The following AKR1B10 variants were observed in gnomAD, a reference collection of about 807,000 sequenced individuals.
The protein encoded by AKR1B10 is ARP.
AKR1B10 carries 39 observed loss-of-function variants against 38.9 expected under a neutral mutation model. The ratio of observed to expected loss-of-function variants is 1.00; its 90% CI spans 0.78 to 1.31. The LOEUF (loss-of-function observed/expected upper bound fraction) is 1.31. Ranked by LOEUF, AKR1B10 falls within the 50% of genes most tolerant of loss-of-function variation. AKR1B10 has a pLI of 0.00. For missense variants in AKR1B10, 361 were observed against 382.6 expected, an observed-to-expected ratio of 0.94 and a Z score of 0.47; for synonymous variants, 148 against 141.2, an observed-to-expected ratio of 1.05 and a Z score of -0.34.
intron 1 of AKR1B10, 89 bp downstream of exon 1, chr7:134,528,066 G>A (rs556642669): frequency 3.3e-6 from 5 of 1,524,634 alleles, no homozygotes; most frequent in Non-Finnish European, 4.5e-6. Context: ...AAGCCTGGAG[G>A]TCGGGCAGGG....
At chr7:134,540,382 G>A (rs534678405) in intron 9 of AKR1B10, among the ~76,000 whole-genome samples, 1 of 116,410 alleles carries the variant, frequency 8.6e-6, no homozygotes, top group South Asian at 3.5e-4. Context: ...AAAAAGGAAG[G>A]GTGAACGTAA....
chr7:134,538,375 T>C (rs4732035), intron 8 of AKR1B10, 98 bp downstream of exon 8: 322,512 of 1,232,248 alleles, frequency 0.26, 45,211 homozygotes, highest in East Asian at 0.41. Context: ...CATTGTCTTT[T>C]GCCCCCTCCC....
At chr7:134,528,588 G>T (rs1807758502) in intron 1 of AKR1B10, among the ~76,000 whole-genome samples, 2 of 152,154 alleles carry the variant, frequency 1.3e-5, no homozygotes, top group Non-Finnish European at 2.9e-5. Context: ...TCTGGGCATG[G>T]TGGCACGCAC....
At chr7:134,540,496 C>G (rs1396628307) in intron 9 of AKR1B10, among the ~76,000 whole-genome samples, 2 of 152,144 alleles carry the variant, frequency 1.3e-5, no homozygotes, top group African/African-American at 4.8e-5. Context: ...TGCAGTAAAT[C>G]CACCTGGCCT....
chr7:134,540,209 CTCTG>C (rs1218855359), intron 9 of AKR1B10, among the ~76,000 whole-genome samples: 1 of 151,830 alleles, frequency 6.6e-6, no homozygotes, highest in Non-Finnish European at 1.5e-5. Flanking sequence ...CAGCGCGAGA[CTCTG>C]TCTCAGAAAA....
Position 134,530,757 on chromosome 7 carries a change from G to C in AKR1B10, c.181G>C (p.Glu61Gln), listed in dbSNP as rs1211443532. ...NEHEVGEAIQ[E>Q]KIQEKAVKRE... is the part of the protein sequence containing the mutation. The stretch of plus-strand genomic sequence containing the variant: ...ACATGAAGTGGGGGAAGCCATCCAA[G>C]AGAAGATCCAAGAGAAGGCTGTGAA... The change falls in exon 2 of 10, where the codon GAG (glutamate) becomes CAG (glutamine). Residue 61 changes from glutamate (E) to glutamine (Q), a missense_variant. By Grantham distance (29) the Glu-to-Gln change is conservative. This residue lies in a region of AKR1B10 where 220 missense variants were observed against 216.1 expected (regional missense o/e 1.02). Coordinates refer to ENST00000359579, the MANE Select transcript of AKR1B10 (RefSeq NM_020299.5). 1 of 1,614,048 alleles carries C rather than the reference G, an allele frequency of 6.2e-7. No homozygotes were observed. The highest frequency in any genetic ancestry group is 1.1e-5 in the South Asian group (1 of 91,064).
At chr7:134,530,583 G>A (rs904841981) in intron 1 of AKR1B10, 60 bp from the exon 2 acceptor site, 306 of 1,590,990 alleles carry the variant, frequency 1.9e-4, no homozygotes, top group Non-Finnish European at 2.4e-4. Flanking sequence ...TGGGCAACAC[G>A]GCAGGGCCCC....
Position 134,530,714 on chromosome 7 carries a change from C to G in AKR1B10, c.138C>G (p.Ala46=), listed in dbSNP as rs751991045. Residue 46 remains alanine (A), a synonymous_variant, in exon 2 of 10, where the codon GCC becomes GCG. Transcript: ENST00000359579. ...IDAGYRHIDC[A]YVYQNEHEVG... ...CAGGATATCGGCACATTGACTGTGC[C>G]TATGTCTATCAGAATGAACATGAAG... 4 of 1,614,100 alleles carry G rather than the reference C, an allele frequency of 2.5e-6. No homozygotes were observed. The South Asian group carries it at 3.3e-5, about 13-fold the overall frequency.
chr7:134,527,724 T>TTCATTAAA lies in AKR1B10; in HGVS notation c.-188_-187insTCATTAAA. 4 of 499,794 alleles carry TTCATTAAA rather than the reference T, an allele frequency of 8.0e-6. No homozygotes were observed. The highest frequency in any genetic ancestry group is 5.7e-4 in the Middle Eastern group (1 of 1,744). The allele number at this position is 499,794 out of a possible 1,614,324, so 31.0% of individuals were successfully genotyped here. On this transcript the variant is annotated 5_prime_UTR_variant, in exon 1 of 10. Coordinates refer to ENST00000359579, the MANE Select transcript of AKR1B10 (RefSeq NM_020299.5). ...AGCTGGGAGTCACGGTGGGCGCCTG[T>TTCATTAAA]AATCCCAGCTACTCGGGAGGCTGAG...
At chr7:134,539,425 A>C (rs1585758517) in intron 9 of AKR1B10, among the ~76,000 whole-genome samples, 2 of 152,170 alleles carry the variant, frequency 1.3e-5, no homozygotes, top group East Asian at 3.8e-4. Flanking sequence ...AAATCAACTC[A>C]AAATATAGAT....
In AKR1B10 at chr7:134,538,997, G is replaced by A; in HGVS notation, c.888G>A (p.Trp296Ter). 1 of 1,614,076 alleles carries A rather than the reference G, an allele frequency of 6.2e-7. No homozygotes were observed. The highest frequency in any genetic ancestry group is 8.5e-7 in the Non-Finnish European group (1 of 1,179,984). Residue 296 changes from tryptophan to a stop codon, truncating the protein, a stop_gained, in exon 9 of 10, where the codon TGG (tryptophan) becomes TGA (stop). Coordinates refer to ENST00000359579, the MANE Select transcript of AKR1B10 (RefSeq NM_020299.5). LOFTEE classifies it low-confidence loss of function (END_TRUNC). ...MATILSFNRNWRACNVLQSSH... is the reference protein window; with the variant it reads ...MATILSFNRN Reference sequence around the variant, plus strand: ...CCATACTCAGCTTCAACAGAAACTGGAGGGCCTGTAACGTGTTGCAGTAAG... The same window carrying A: ...CCATACTCAGCTTCAACAGAAACTGAAGGGCCTGTAACGTGTTGCAGTAAG...
intron 2 of AKR1B10, among the ~76,000 whole-genome samples, chr7:134,531,314 G>C (rs932445313): frequency 6.6e-6 from 1 of 152,188 alleles, no homozygotes; most frequent in African/African-American, 2.4e-5. Flanking sequence ...AGAAGATGTT[G>C]GGTGTGAGAG....
intron 7 of AKR1B10, 78 bp downstream of exon 7, chr7:134,537,739 A>G: frequency 6.5e-7 from 1 of 1,545,830 alleles, no homozygotes; most frequent in Non-Finnish European, 8.9e-7. Context: ...GTTGTCCTCA[A>G]CAAACTCCTT....
In AKR1B10 at chr7:134,541,222, C is replaced by G. The variant is rs993457681; in HGVS notation, c.*133C>G. 2 of 646,310 alleles carry G rather than the reference C, an allele frequency of 3.1e-6. No homozygotes were observed. Among genetic ancestry groups the G allele is most frequent in the East Asian group, 5.8e-5 (2 of 34,494 alleles). 40.0% of individuals were successfully genotyped at this position (646,310 alleles called of 1,614,324 possible). On this transcript the variant is annotated 3_prime_UTR_variant, in exon 10 of 10. Transcript: ENST00000359579. The stretch of plus-strand genomic sequence containing the variant: ...ACTTAGTCCTGTTATAGACGAGAAT[C>G]GAGGTGCTGTTTTAGACATTTATTT...
Position 134,541,387 on chromosome 7 carries a change from A to G in AKR1B10, c.*298A>G, listed in dbSNP as rs74851624. The G allele has an allele frequency of 2.0e-3, 629 of 313,704 alleles. 4 individuals are homozygous for G. The highest frequency in any genetic ancestry group is 0.013 in the African/African-American group (594 of 44,660). 19.4% of individuals were successfully genotyped at this position (313,704 alleles called of 1,614,324 possible). ...GCCAACACTGAGGATGTAAAGATCA[A>G]TAAAAAAAATAATAATCATAACCAA... On this transcript the variant is annotated 3_prime_UTR_variant, in exon 10 of 10. Transcript: ENST00000359579.
intron 4 of AKR1B10, among the ~76,000 whole-genome samples, chr7:134,535,230 A>G (rs1807963982): frequency 6.6e-6 from 1 of 152,192 alleles, no homozygotes; most frequent in Admixed American, 6.5e-5. Context: ...CTCCTGTCTC[A>G]GCCTCTGGTA....
In AKR1B10 at chr7:134,531,908, T is replaced by C. The variant is rs143396171; in HGVS notation, c.235T>C (p.Leu79=). 56 of 1,613,568 alleles carry C rather than the reference T, an allele frequency of 3.5e-5. No homozygotes were observed. The African/African-American group carries it at 6.4e-4, about 19-fold the overall frequency. ...TAGCTCATTGCTACACTCTTTGCAG[T>C]TGTGGCCCACTTTCTTTGAGAGACC... ...KREDLFIVSK[L]WPTFFERPLV... is the part of the protein sequence containing the mutation. Residue 79 remains leucine, a splice_region_variant and synonymous_variant, in exon 3 of 10, where the codon TTG becomes CTG. Coordinates refer to ENST00000359579, the MANE Select transcript of AKR1B10 (RefSeq NM_020299.5).
Position 134,536,707 on chromosome 7 carries a change from A to G in AKR1B10, c.487A>G (p.Ser163Gly). The change falls in exon 5 of 10, where the codon AGC becomes GGC. Residue 163 changes from serine (S) to glycine (G), a missense_variant. Transcript: ENST00000359579. Reference protein sequence around the residue: ...LVKALGVSNFSHFQIEKLLNK... With the variant: ...LVKALGVSNFGHFQIEKLLNK... ...GAAAGCCCTTGGGGTCTCCAATTTCAGCCACTTCCAGATCGAGAAGCTCTT... is the reference window on the plus strand; with the variant it reads ...GAAAGCCCTTGGGGTCTCCAATTTCGGCCACTTCCAGATCGAGAAGCTCTT... 1.2e-6 allele frequency: 2 copies of G among 1,613,920 alleles called. No individual in the cohort carries two copies. The highest frequency in any genetic ancestry group is 8.5e-7 in the Non-Finnish European group (1 of 1,179,818).
intron 9 of AKR1B10, among the ~76,000 whole-genome samples, chr7:134,539,410 G>T (rs1245061055): frequency 6.6e-6 from 1 of 152,132 alleles, no homozygotes. Flanking sequence ...AGAGACAACA[G>T]AAATAAATCA....
Sources: gnomAD v4.1 joint callset for allele counts (sites outside exome capture counted in the v4.1 genomes callset) on GRCh38, gnomAD v4.1.1 for gene constraint, gnomAD v4.1.1 regional missense constraint, MANE v1.5 for transcripts, NCBI Gene and HGNC (gene_info 2026-07-23, HGNC 2026-07-21) for gene names.